CCBE1: variants seen among roughly 807,000 people sequenced by gnomAD.
CCBE1 encodes collagen and calcium binding EGF domains 1.
Under a neutral mutation model 50.0 loss-of-function variants are expected in CCBE1, and 37 were observed. The observed-to-expected ratio is 0.74, with a 90% CI of 0.57 to 0.97. The LOEUF is 0.97. CCBE1 is among the 50% of genes least tolerant of loss of function. CCBE1 has a pLI of 0.00. For missense variants in CCBE1, 538 were observed against 523.8 expected (o/e 1.03, Z -0.26); for synonymous variants, 234 against 203.7 (o/e 1.15, Z -1.27).
intron 5 of CCBE1, chr18:59,465,100 C>T (rs1471475171): frequency 6.6e-6 from 1 of 152,240 alleles, no homozygotes; most frequent in African/African-American, 2.4e-5. Flanking sequence ...GCTTTCTCCC[C>T]AGGGAAGTGG....
chr18:59,447,954 C>T (rs749311354), intron 7 of CCBE1, 29 bp downstream of exon 7: 4 of 1,613,758 alleles, frequency 2.5e-6, no homozygotes, highest in South Asian at 2.2e-5. Context: ...TGTTGGTGAT[C>T]ACCCTCCTGT....
At chr18:59,666,784 G>A (rs1568263242) in intron 2 of CCBE1, among the ~76,000 whole-genome samples, 2 of 152,140 alleles carry the variant, frequency 1.3e-5, no homozygotes, top group East Asian at 1.9e-4. Context: ...GGCTAACATG[G>A]TGAAACCCCA....
chr18:59,520,309 T>C (rs1914543587), intron 2 of CCBE1, among the ~76,000 whole-genome samples: 2 of 152,228 alleles, frequency 1.3e-5, no homozygotes, highest in Admixed American at 1.3e-4. Flanking sequence ...TCCATGAGGA[T>C]GGAATGTTTT....
rs1334097471 is a variant in CCBE1, at chr18:59,490,332, A to G, written c.213-10094T>C. On this transcript the variant is annotated intron_variant, in intron 2 of 10. Transcript: ENST00000439986. Reference sequence around the variant, plus strand: ...AAAATAAAGGTTAGTTTGGAGATTCACCAAGGTATTCACAAGTGGTTCTCT... The same window carrying G: ...AAAATAAAGGTTAGTTTGGAGATTCGCCAAGGTATTCACAAGTGGTTCTCT... 2.0e-5 allele frequency among the ~76,000 whole-genome samples: 3 copies of G among 151,416 alleles called. No individual in the cohort carries two copies. The East Asian group carries it at 5.8e-4, about 29-fold the overall frequency.
rs906853489 is a variant in CCBE1 at position 59,475,249 on chromosome 18, A to G, written c.265+4937T>C. Among the ~76,000 whole-genome samples the G allele has an allele frequency of 5.3e-5, 8 of 152,182 alleles. No individual in the cohort carries two copies. The East Asian group carries it at 1.5e-3, about 29-fold the overall frequency. Reference sequence around the variant, plus strand: ...TTCATCCCAAGATTCTTACCATCCCAAGATTAAATCCATTTGGGATAACAC... The same window carrying G: ...TTCATCCCAAGATTCTTACCATCCCGAGATTAAATCCATTTGGGATAACAC... On this transcript the variant is annotated intron_variant, in intron 3 of 10. Transcript: ENST00000439986.
At chr18:59,492,302 T>C (rs1913148714) in intron 2 of CCBE1, among the ~76,000 whole-genome samples, 1 of 152,140 alleles carries the variant, frequency 6.6e-6, no homozygotes, top group African/African-American at 2.4e-5. Flanking sequence ...TTCAGGTCAC[T>C]AGTGTGACAG....
chr18:59,675,520 G>A (rs937301299), intron 2 of CCBE1, among the ~76,000 whole-genome samples: 7 of 152,144 alleles, frequency 4.6e-5, no homozygotes, highest in African/African-American at 7.2e-5. Context: ...GACAGCTCCC[G>A]TGTTAAAAGA....
chr18:59,606,587 C>T (rs900874762), intron 2 of CCBE1, among the ~76,000 whole-genome samples: 2 of 152,152 alleles, frequency 1.3e-5, no homozygotes, highest in Non-Finnish European at 2.9e-5. Context: ...AACCAAGCAT[C>T]TCCACGGGGC....
At chr18:59,527,847 C>T (rs192567520) in intron 2 of CCBE1, among the ~76,000 whole-genome samples, 24 of 152,284 alleles carry the variant, frequency 1.6e-4, no homozygotes, top group Admixed American at 4.6e-4. Context: ...CTGAGAGATC[C>T]GCTGTTACTC....
At chr18:59,447,635 G>A (rs1444309364) in intron 7 of CCBE1, among the ~76,000 whole-genome samples, 1 of 152,120 alleles carries the variant, frequency 6.6e-6, no homozygotes, top group African/African-American at 2.4e-5. Context: ...CAAGCAGGGG[G>A]GGTTCATAAT....
intron 2 of CCBE1, among the ~76,000 whole-genome samples, chr18:59,514,053 C>T (rs188083158): frequency 1.2e-4 from 18 of 152,276 alleles, no homozygotes; most frequent in Admixed American, 1.2e-3. Context: ...GCTTTACTAT[C>T]CTTTCCAATG....
chr18:59,641,470 G>A (rs140385440), intron 2 of CCBE1, among the ~76,000 whole-genome samples: 1 of 152,054 alleles, frequency 6.6e-6, no homozygotes, highest in Non-Finnish European at 1.5e-5. Context: ...GGAGGAGGGT[G>A]AGGACCGAAA....
At chr18:59,576,680 G>A (rs1041407234) in intron 2 of CCBE1, among the ~76,000 whole-genome samples, 6 of 152,168 alleles carry the variant, frequency 3.9e-5, no homozygotes, top group African/African-American at 1.4e-4. Flanking sequence ...TCTTTACCCA[G>A]CCATGCCCCG....
chr18:59,676,841 A>C (rs1183193237), intron 2 of CCBE1, among the ~76,000 whole-genome samples: 1 of 152,188 alleles, frequency 6.6e-6, no homozygotes, highest in Non-Finnish European at 1.5e-5. Flanking sequence ...AGGATTAGGA[A>C]CCAGAATTAG....
chr18:59,658,168 A>C (rs1289251016), intron 2 of CCBE1, among the ~76,000 whole-genome samples: 1 of 149,668 alleles, frequency 6.7e-6, no homozygotes, highest in Non-Finnish European at 1.5e-5. Context: ...GAAATGAACA[A>C]ATACATGTAG....
In CCBE1 at chr18:59,638,564, A is replaced by C. The variant is rs1259367968; in HGVS notation, c.212+58065T>G. On this transcript the variant is annotated intron_variant, in intron 2 of 10. Transcript: ENST00000439986. ...AGCCCTCTACAAGTGATTCTGATGCACACTGAAGTTTGAGAACCATTCAGA... is the reference window on the plus strand; with the variant it reads ...AGCCCTCTACAAGTGATTCTGATGCCCACTGAAGTTTGAGAACCATTCAGA... Among the ~76,000 whole-genome samples the C allele has an allele frequency of 2.0e-5, 3 of 152,334 alleles. No individual in the cohort carries two copies. In the East Asian group the frequency reaches 5.8e-4, roughly 29 times the overall value.
chr18:59,572,150 A>G (rs2052924097), intron 2 of CCBE1, among the ~76,000 whole-genome samples: 1 of 152,244 alleles, frequency 6.6e-6, no homozygotes, highest in Non-Finnish European at 1.5e-5. Context: ...TGAGCATGAA[A>G]AGAAATAAAC....
chr18:59,587,613 G>A (rs1180074953), intron 2 of CCBE1, among the ~76,000 whole-genome samples: 1 of 152,176 alleles, frequency 6.6e-6, no homozygotes, highest in African/African-American at 2.4e-5. Flanking sequence ...GCTTTTTGGA[G>A]TAGCTGTCTT....
intron 2 of CCBE1, among the ~76,000 whole-genome samples, chr18:59,629,245 C>T (rs2053823496): frequency 6.6e-6 from 1 of 152,184 alleles, no homozygotes; most frequent in Non-Finnish European, 1.5e-5. Context: ...TTCTTCTTCC[C>T]AGAATCATCT....
Sources: allele counts gnomAD v4.1 joint callset (sites outside exome capture counted in the v4.1 genomes callset), GRCh38; gene constraint gnomAD v4.1.1; transcripts MANE v1.5; gene names NCBI Gene and HGNC (gene_info 2026-07-23, HGNC 2026-07-21).